Variants in HERC3 observed in about 807,000 individuals in gnomAD.
The protein encoded by HERC3 is probable E3 ubiquitin-protein ligase HERC3.
In HERC3, 58 loss-of-function variants were observed where a neutral mutation model predicts 129.9. The ratio of observed to expected loss-of-function variants is 0.45; its 90% CI spans 0.36 to 0.56. The LOEUF (loss-of-function observed/expected upper bound fraction) is 0.56. Ranked by LOEUF, HERC3 falls within the 20% of genes least tolerant of loss-of-function variation. The probability of loss-of-function intolerance (pLI) is 0.00; values close to 1 mark genes in which losing one functional copy is unlikely to be tolerated. For missense variants in HERC3, 835 were observed against 1,244.2 expected, an observed-to-expected ratio of 0.67 and a Z score of 4.95; for synonymous variants, 430 against 451.0, an observed-to-expected ratio of 0.95 and a Z score of 0.59.
chr4:88,655,801 G>T (rs1003640966), intron 8 of HERC3, 74 bp from the exon 9 acceptor site: 2 of 1,480,356 alleles, frequency 1.4e-6, no homozygotes, highest in African/African-American at 2.8e-5. Flanking sequence ...ACATGTGGAA[G>T]TTAAAAGTCA....
the HERC3 span, among the ~76,000 whole-genome samples, chr4:88,533,293 C>T: frequency 7.2e-5 from 11 of 152,320 alleles, no homozygotes; most frequent in African/African-American, 2.6e-4. Flanking sequence ...TGCCCACCCA[C>T]ATTGAGGATG....
At chr4:88,531,310 G>T in the HERC3 span, among the ~76,000 whole-genome samples, 2 of 152,084 alleles carry the variant, frequency 1.3e-5, no homozygotes. Flanking sequence ...AGAGTTCTGG[G>T]ATTACAGGCA....
the HERC3 span, among the ~76,000 whole-genome samples, chr4:88,550,993 T>C: frequency 2.0e-5 from 3 of 147,058 alleles, no homozygotes; most frequent in Admixed American, 1.4e-4. Context: ...TATCTACAAC[T>C]ATCTGATCTT....
chr4:88,572,741 G>A, the HERC3 span, among the ~76,000 whole-genome samples: 3 of 151,272 alleles, frequency 2.0e-5, no homozygotes, highest in East Asian at 1.9e-4. Context: ...CTCAGGAGGC[G>A]GAGGTTGCAG....
At chr4:88,540,316 CCAAT>C in the HERC3 span, among the ~76,000 whole-genome samples, 3 of 152,018 alleles carry the variant, frequency 2.0e-5, no homozygotes, top group African/African-American at 7.3e-5. Flanking sequence ...GCTTCAATAG[CCAAT>C]TTGATCAAGT....
chr4:88,550,999 A>T, the HERC3 span, among the ~76,000 whole-genome samples: 1 of 148,598 alleles, frequency 6.7e-6, no homozygotes, highest in Non-Finnish European at 1.5e-5. Flanking sequence ...CAACTATCTG[A>T]TCTTTGACAA....
intron 3 of HERC3, among the ~76,000 whole-genome samples, chr4:88,648,383 G>T (rs1181749076): frequency 6.6e-6 from 1 of 152,146 alleles, no homozygotes; most frequent in Non-Finnish European, 1.5e-5. Flanking sequence ...AGTATGGGAG[G>T]TAAAATATTT....
intron 23 of HERC3, among the ~76,000 whole-genome samples, chr4:88,699,237 C>T (rs1358610530): frequency 2.2e-5 from 2 of 90,282 alleles, no homozygotes; most frequent in African/African-American, 9.4e-5. Context: ...TTCTTCCCCA[C>T]CCCCTAGCCC....
intron 2 of HERC3, among the ~76,000 whole-genome samples, chr4:88,601,867 T>TAA (rs1285918059): frequency 4.2e-5 from 4 of 96,166 alleles, no homozygotes; most frequent in Non-Finnish European, 6.9e-5. Context: ...CCATCCCGGC[T>TAA]AAAACGGTGA....
the HERC3 span, among the ~76,000 whole-genome samples, chr4:88,574,653 T>C: frequency 6.6e-6 from 1 of 152,242 alleles, no homozygotes; most frequent in South Asian, 2.1e-4. Context: ...AGGTACGTTA[T>C]AGTAGTGGAA....
intron 2 of HERC3, among the ~76,000 whole-genome samples, chr4:88,601,852 C>T (rs62308697): frequency 2.2e-5 from 2 of 92,886 alleles, no homozygotes; most frequent in Admixed American, 9.2e-5. Context: ...GTCAGGAGAT[C>T]GAGACCATCC....
In HERC3 at chr4:88,699,304, G is replaced by C. The variant is rs1290138253; in HGVS notation, c.2658-4794G>C. 4.8e-3 allele frequency among the ~76,000 whole-genome samples: 126 copies of C among 26,490 alleles called. 7 individuals are homozygous for C. The highest frequency in any genetic ancestry group is 0.043 in the Admixed American group (105 of 2,456). The allele number at this position is 26,490 out of a possible 152,430, so 17.4% of individuals were successfully genotyped here. A position where few individuals can be genotyped will look rare whatever the true frequency, so the allele number is the denominator to read the frequency against. On this transcript the variant is annotated intron_variant, in intron 23 of 25. Coordinates refer to ENST00000402738, the MANE Select transcript of HERC3 (RefSeq NM_014606.3). ...TTCTTCTTCCCCACCCACCCACCCA[G>C]CCCCACCCTCTTCCTCCCCACCCAC...
chr4:88,638,113 A>G (rs1021810501), intron 3 of HERC3, among the ~76,000 whole-genome samples: 1 of 152,216 alleles, frequency 6.6e-6, no homozygotes, highest in Non-Finnish European at 1.5e-5. Flanking sequence ...CCTACTAACT[A>G]AACAAAGTCC....
Position 88,655,307 on chromosome 4 carries a change from G to C in HERC3, c.908+3G>C, listed in dbSNP as rs551984558. 1 of 1,613,236 alleles carries C rather than the reference G, an allele frequency of 6.2e-7. No homozygotes were observed. The highest frequency in any genetic ancestry group is 1.1e-5 in the South Asian group (1 of 90,942). ...GTAACTCAAATTGCTTGTGGCAGGTGAGTGTTCCTCAAAGCTTGCTTGTAT... is the reference window on the plus strand; with the variant it reads ...GTAACTCAAATTGCTTGTGGCAGGTCAGTGTTCCTCAAAGCTTGCTTGTAT... On this transcript the variant is annotated splice_donor_region_variant and intron_variant, in intron 8 of 25. Transcript: ENST00000402738.
In HERC3 at chr4:88,687,141, C is replaced by T. The variant is rs2149326204; in HGVS notation, c.2575-76C>T. On this transcript the variant is annotated intron_variant, in intron 22 of 25. Coordinates refer to ENST00000402738, the MANE Select transcript of HERC3 (RefSeq NM_014606.3). ...GAAACTACATTTGTTCCTAAAGCCT[C>T]TCTCAGTCATTTGAGTTCTAGAAAG... The T allele has an allele frequency of 3.7e-6, 4 of 1,093,060 alleles. No individual in the cohort carries two copies. In the South Asian group the frequency reaches 4.3e-5, roughly 12 times the overall value. The allele number at this position is 1,093,060 out of a possible 1,614,324, so 67.7% of individuals were successfully genotyped here.
the HERC3 span, among the ~76,000 whole-genome samples, chr4:88,563,328 A>G: frequency 1.3e-5 from 2 of 152,142 alleles, no homozygotes; most frequent in Non-Finnish European, 2.9e-5. Context: ...TAGAAATGCT[A>G]CTGATTTTTG....
chr4:88,666,874 T>C (rs528231932), intron 12 of HERC3, among the ~76,000 whole-genome samples: 3 of 152,340 alleles, frequency 2.0e-5, no homozygotes, highest in African/African-American at 7.2e-5. Flanking sequence ...ATAGATCATT[T>C]TTATTTTAAA....
chr4:88,626,730 C>A (rs1169803437), intron 3 of HERC3, among the ~76,000 whole-genome samples: 1 of 151,992 alleles, frequency 6.6e-6, no homozygotes, highest in African/African-American at 2.4e-5. Flanking sequence ...TATAATATTC[C>A]CTTATCCTCT....
At chr4:88,524,706 T>C in the HERC3 span, 1 of 152,220 alleles carries the variant, frequency 6.6e-6, no homozygotes, top group Non-Finnish European at 1.5e-5. Flanking sequence ...TTTAGAAAAG[T>C]GCCTGGCACA....
Sources: gnomAD v4.1 joint callset for allele counts (sites outside exome capture counted in the v4.1 genomes callset) on GRCh38, gnomAD v4.1.1 for gene constraint, MANE v1.5 for transcripts, NCBI Gene and HGNC (gene_info 2026-07-23, HGNC 2026-07-21) for gene names.